SPATA16: variants seen among roughly 807,000 people sequenced by gnomAD.
SPATA16 encodes spermatogenesis associated 16, also known as spermatogenesis-associated protein 16.
A neutral mutation model predicts 63.3 loss-of-function variants in SPATA16; 36 were observed. The ratio of observed to expected loss-of-function variants is 0.57; its 90% CI spans 0.44 to 0.75. The LOEUF is 0.75. SPATA16 is among the 30% of genes least tolerant of loss of function. SPATA16 has a pLI of 0.00. For missense variants in SPATA16, 646 were observed against 679.3 expected (o/e 0.95, Z 0.54); for synonymous variants, 203 against 216.7 (o/e 0.94, Z 0.56).
At chr3:172,922,899 G>C (rs575188924) in intron 8 of SPATA16, among the ~76,000 whole-genome samples, 6 of 152,078 alleles carry the variant, frequency 3.9e-5, no homozygotes, top group Non-Finnish European at 7.4e-5. Flanking sequence ...TCCAACCCGG[G>C]TGACAGGGTG....
Position 172,970,281 on chromosome 3 carries a change from G to A in SPATA16, c.933+6687C>T, listed in dbSNP as rs148076642. ...CCATTGTCTTCGAAAGGTACTTCTC[G>A]TTGGCCTACATTTCCTATATTTCTG... On this transcript the variant is annotated intron_variant, in intron 5 of 10. Transcript: ENST00000351008. 1.6e-3 allele frequency among the ~76,000 whole-genome samples: 242 copies of A among 152,072 alleles called. 1 individual carries two copies. The highest frequency in any genetic ancestry group is 5.6e-3 in the African/African-American group (233 of 41,494).
intron 10 of SPATA16, among the ~76,000 whole-genome samples, chr3:172,907,010 A>G (rs1484705369): frequency 6.6e-6 from 1 of 152,214 alleles, no homozygotes; most frequent in East Asian, 1.9e-4. Flanking sequence ...GTATATGTAA[A>G]GTAAATAGGA....
rs370805711 is a variant in SPATA16 at position 173,018,334 on chromosome 3, G to T, written c.848+1152C>A. Among the ~76,000 whole-genome samples the T allele has an allele frequency of 1.1e-4, 16 of 151,184 alleles. 4 individuals are homozygous for T. Among genetic ancestry groups the T allele is most frequent in the South Asian group, 6.3e-4 (3 of 4,760 alleles). Reference sequence around the variant, plus strand: ...TCGTTGCCCAGGCTGGAGTGCAATGGCGCGATCTCGGCTCACCACAACCTC... The same window carrying T: ...TCGTTGCCCAGGCTGGAGTGCAATGTCGCGATCTCGGCTCACCACAACCTC... On this transcript the variant is annotated intron_variant, in intron 4 of 10. Transcript: ENST00000351008.
At chr3:173,017,594 G>A (rs1355300199) in intron 4 of SPATA16, among the ~76,000 whole-genome samples, 1 of 152,126 alleles carries the variant, frequency 6.6e-6, no homozygotes, top group Non-Finnish European at 1.5e-5. Context: ...GCTTCTCCCA[G>A]CATTGCTAAT....
At chr3:172,907,428 C>T (rs73882526) in intron 10 of SPATA16, among the ~76,000 whole-genome samples, 19,854 of 152,126 alleles carry the variant, frequency 0.13, 1,844 homozygotes, top group African/African-American at 0.26. Context: ...CAATCTATTT[C>T]CAACTTAACA....
chr3:172,920,648 A>G lies in SPATA16; in HGVS notation c.1338+3560T>C, dbSNP rs936859796. Among the ~76,000 whole-genome samples, 3 of 152,208 alleles carry G rather than the reference A, an allele frequency of 2.0e-5. No homozygotes were observed. In the South Asian group the frequency reaches 6.2e-4, roughly 32 times the overall value. Reference sequence around the variant, plus strand: ...TCCCTATGATATTATAATTTAGTGTATTATTGCCAAGTTAACTTTTTTCTA... The same window carrying G: ...TCCCTATGATATTATAATTTAGTGTGTTATTGCCAAGTTAACTTTTTTCTA... On this transcript the variant is annotated intron_variant, in intron 8 of 10. Transcript: ENST00000351008.
chr3:172,979,342 C>A (rs188162779), intron 4 of SPATA16, among the ~76,000 whole-genome samples: 3 of 152,170 alleles, frequency 2.0e-5, no homozygotes, highest in Admixed American at 2.0e-4. Flanking sequence ...GACAACATAA[C>A]ATGCACTAAT....
intron 6 of SPATA16, among the ~76,000 whole-genome samples, chr3:172,946,328 G>A (rs2109610345): frequency 6.6e-6 from 1 of 152,318 alleles, no homozygotes; most frequent in Middle Eastern, 3.4e-3. Flanking sequence ...GGAAAGGAGA[G>A]AAAAGAGTAA....
intron 8 of SPATA16, among the ~76,000 whole-genome samples, chr3:172,923,309 A>C (rs1394821707): frequency 6.6e-6 from 1 of 152,190 alleles, no homozygotes; most frequent in Non-Finnish European, 1.5e-5. Flanking sequence ...TTGTATTTGT[A>C]ATACATGGAA....
chr3:172,920,707 T>G (rs2109571672), intron 8 of SPATA16, among the ~76,000 whole-genome samples: 1 of 152,310 alleles, frequency 6.6e-6, no homozygotes, highest in South Asian at 2.1e-4. Context: ...AAACCTAATA[T>G]TTACAAAGTG....
At chr3:172,993,265 A>G (rs780822378) in intron 4 of SPATA16, among the ~76,000 whole-genome samples, 2 of 152,142 alleles carry the variant, frequency 1.3e-5, no homozygotes, top group Non-Finnish European at 2.9e-5. Flanking sequence ...ATTCTATTCA[A>G]TAAGGTTAAG....
At chr3:172,948,121 C>T (rs945008432) in intron 6 of SPATA16, among the ~76,000 whole-genome samples, 2 of 151,812 alleles carry the variant, frequency 1.3e-5, no homozygotes, top group African/African-American at 4.8e-5. Context: ...TATCACTATT[C>T]AAGTACAAGG....
At chr3:173,015,773 T>A (rs1560097179) in intron 4 of SPATA16, among the ~76,000 whole-genome samples, 1 of 152,144 alleles carries the variant, frequency 6.6e-6, no homozygotes, top group Non-Finnish European at 1.5e-5. Flanking sequence ...TTGTCAAAAG[T>A]CATTAGCAGT....
intron 8 of SPATA16, among the ~76,000 whole-genome samples, chr3:172,919,193 T>G (rs1030724122): frequency 2.0e-5 from 3 of 152,224 alleles, no homozygotes; most frequent in African/African-American, 7.2e-5. Flanking sequence ...TCTTTAACAT[T>G]TAGCCCAGAA....
chr3:173,052,634 A>G (rs974764815), intron 2 of SPATA16, among the ~76,000 whole-genome samples: 2 of 152,256 alleles, frequency 1.3e-5, no homozygotes, highest in African/African-American at 2.4e-5. Flanking sequence ...CATCAGAACC[A>G]TGAAACACAT....
chr3:173,071,430 A>G (rs1736672039), intron 2 of SPATA16, among the ~76,000 whole-genome samples: 1 of 152,180 alleles, frequency 6.6e-6, no homozygotes, highest in South Asian at 2.1e-4. Flanking sequence ...TCAAAAACAC[A>G]GGTAACCAAA....
intron 1 of SPATA16, among the ~76,000 whole-genome samples, chr3:173,131,394 C>T (rs1025153033): frequency 6.6e-5 from 10 of 152,146 alleles, no homozygotes; most frequent in African/African-American, 1.2e-4. Context: ...GTAACTCCCT[C>T]GTCAAAGTGA....
intron 6 of SPATA16, among the ~76,000 whole-genome samples, chr3:172,926,872 A>G (rs1732748298): frequency 6.6e-6 from 1 of 152,224 alleles, no homozygotes; most frequent in Non-Finnish European, 1.5e-5. Flanking sequence ...AGGATGATGA[A>G]CAGAGAGGTA....
intron 2 of SPATA16, among the ~76,000 whole-genome samples, chr3:173,084,498 G>A (rs1736999736): frequency 6.6e-6 from 1 of 152,020 alleles, no homozygotes; most frequent in African/African-American, 2.4e-5. Context: ...AGTTTCTTTT[G>A]CTGTGCAGAA....
Sources: gnomAD v4.1 joint callset for allele counts (sites outside exome capture counted in the v4.1 genomes callset) on GRCh38, gnomAD v4.1.1 for gene constraint, MANE v1.5 for transcripts, NCBI Gene and HGNC (gene_info 2026-07-23, HGNC 2026-07-21) for gene names.